Variants in OPCML observed in about 807,000 individuals in gnomAD.
OPCML encodes the protein opioid-binding protein/cell adhesion molecule.
OPCML carries 13 observed loss-of-function variants against 37.8 expected under a neutral mutation model. That is an observed-to-expected ratio of 0.34 (90% CI 0.22 to 0.55). The LOEUF (loss-of-function observed/expected upper bound fraction) is 0.55. Among genes scored for constraint, OPCML ranks in the 20% least tolerant of loss-of-function variants. The pLI, the probability that OPCML is intolerant of heterozygous loss-of-function variation, is 0.91. For synonymous variants in OPCML, 176 were observed against 168.8 expected (o/e 1.04, Z -0.33); for missense variants, 341 against 435.6 (o/e 0.78, Z 1.93).
chr11:132,821,875 C>T (rs1940008369), intron 2 of OPCML, among the ~76,000 whole-genome samples: 1 of 152,128 alleles, frequency 6.6e-6, no homozygotes, highest in Non-Finnish European at 1.5e-5. Context: ...ATTCAATCTC[C>T]CATGGCTTCT....
At chr11:133,066,193 A>G (rs1436855769) in intron 1 of OPCML, 2 of 151,702 alleles carry the variant, frequency 1.3e-5, no homozygotes, top group African/African-American at 4.8e-5. Context: ...CCTCATGTCC[A>G]CTCCTGCCAA....
At position 133,355,436 on chromosome 11, in the gene OPCML, C is replaced by T. The variant is rs150767468; in HGVS notation, c.61+176828G>A. On this transcript the variant is annotated intron_variant, in intron 1 of 7. Coordinates refer to ENST00000524381, the MANE Select transcript of OPCML (RefSeq NM_001012393.5). ...AAGATCCAGGATTGTTAATTTAAGTCATCCATGAACTAAATCTGTGACCAC... is the reference window on the plus strand; with the variant it reads ...AAGATCCAGGATTGTTAATTTAAGTTATCCATGAACTAAATCTGTGACCAC... 4.0e-3 allele frequency among the ~76,000 whole-genome samples: 603 copies of T among 152,298 alleles called. 3 individuals carry two copies. The highest frequency in any genetic ancestry group is 0.037 in the Middle Eastern group (11 of 294).
intron 1 of OPCML, chr11:133,005,695 T>G: frequency 3.1e-6 from 3 of 976,908 alleles, no homozygotes; most frequent in Non-Finnish European, 3.6e-6. Flanking sequence ...TAAATGCATC[T>G]AATCCAGATT....
At chr11:132,529,818 C>T (rs929494272) in intron 3 of OPCML, among the ~76,000 whole-genome samples, 3 of 152,162 alleles carry the variant, frequency 2.0e-5, no homozygotes, top group African/African-American at 7.2e-5. Context: ...AATCCTGGAT[C>T]CAACCAGCAA....
At chr11:132,646,016 A>G (rs1198597493) in intron 3 of OPCML, among the ~76,000 whole-genome samples, 1 of 152,226 alleles carries the variant, frequency 6.6e-6, no homozygotes, top group Non-Finnish European at 1.5e-5. Context: ...GGATTACACA[A>G]GGACAAACTT....
intron 3 of OPCML, among the ~76,000 whole-genome samples, chr11:132,567,469 TTTG>T (rs2096426406): frequency 6.6e-6 from 1 of 152,040 alleles, no homozygotes; most frequent in South Asian, 2.1e-4. Context: ...GGATGGTGAA[TTTG>T]TTATGAAAGT....
At chr11:132,743,478 C>CT (rs1212305752) in intron 2 of OPCML, among the ~76,000 whole-genome samples, 1 of 152,136 alleles carries the variant, frequency 6.6e-6, no homozygotes, top group Admixed American at 6.5e-5. Context: ...AGCAGAAGAT[C>CT]TTTTTGCCTG....
intron 1 of OPCML, among the ~76,000 whole-genome samples, chr11:133,078,743 C>T (rs982209827): frequency 2.0e-5 from 3 of 152,094 alleles, no homozygotes; most frequent in Admixed American, 6.5e-5. Flanking sequence ...GGCACTGGCT[C>T]CGATCAGGCA....
At chr11:133,281,993 C>T (rs184920066) in intron 1 of OPCML, among the ~76,000 whole-genome samples, 6 of 151,408 alleles carry the variant, frequency 4.0e-5, no homozygotes, top group Admixed American at 3.3e-4. Flanking sequence ...TTTTAATGGC[C>T]TAGAATCAGG....
At chr11:133,018,198 T>C (rs927524634) in intron 1 of OPCML, among the ~76,000 whole-genome samples, 43 of 152,170 alleles carry the variant, frequency 2.8e-4, no homozygotes, top group Non-Finnish European at 4.3e-4. Context: ...GAAAAACCCA[T>C]TAAGGAACAG....
intron 2 of OPCML, among the ~76,000 whole-genome samples, chr11:132,785,602 C>G (rs907111465): frequency 7.2e-5 from 11 of 152,186 alleles, no homozygotes; most frequent in Non-Finnish European, 1.2e-4. Flanking sequence ...AAACTATCTA[C>G]AGGATACCAA....
At chr11:133,475,386 C>T (rs903231355) in intron 1 of OPCML, among the ~76,000 whole-genome samples, 9 of 152,114 alleles carry the variant, frequency 5.9e-5, no homozygotes, top group Admixed American at 6.6e-5. Context: ...TTTCACCTTT[C>T]TCCTCCTCCA....
At chr11:133,270,492 T>C (rs925908139) in intron 1 of OPCML, among the ~76,000 whole-genome samples, 1 of 152,198 alleles carries the variant, frequency 6.6e-6, no homozygotes, top group Non-Finnish European at 1.5e-5. Flanking sequence ...GGGATTGTTT[T>C]AGGAAAGAAA....
intron 3 of OPCML, among the ~76,000 whole-genome samples, chr11:132,589,614 G>A (rs1401380081): frequency 6.6e-6 from 1 of 152,214 alleles, no homozygotes; most frequent in East Asian, 1.9e-4. Context: ...TAACATTTAA[G>A]TGCAGGTTTG....
intron 3 of OPCML, among the ~76,000 whole-genome samples, chr11:132,650,822 G>A (rs1470607776): frequency 6.6e-6 from 1 of 152,166 alleles, no homozygotes; most frequent in African/African-American, 2.4e-5. Flanking sequence ...TTTGTGAAGA[G>A]TAAATGTGAT....
chr11:132,570,788 T>C (rs867531316), intron 3 of OPCML, among the ~76,000 whole-genome samples: 2 of 107,914 alleles, frequency 1.9e-5, no homozygotes, highest in African/African-American at 8.4e-5. Flanking sequence ...TATATATATA[T>C]ATATATATAT....
At chr11:132,900,443 C>T (rs1459790977) in intron 2 of OPCML, among the ~76,000 whole-genome samples, 1 of 152,142 alleles carries the variant, frequency 6.6e-6, no homozygotes, top group Non-Finnish European at 1.5e-5. Context: ...GCCTTGCATC[C>T]CAAAGGGTCT....
chr11:133,334,726 C>A (rs932360182), intron 1 of OPCML, among the ~76,000 whole-genome samples: 1 of 152,188 alleles, frequency 6.6e-6, no homozygotes, highest in African/African-American at 2.4e-5. Flanking sequence ...GCAGACCGAG[C>A]CCTGCTCCCA....
chr11:132,998,481 T>TA (rs1471038373), intron 1 of OPCML, among the ~76,000 whole-genome samples: 1 of 152,214 alleles, frequency 6.6e-6, no homozygotes, highest in Non-Finnish European at 1.5e-5. Flanking sequence ...TTATTTTCTT[T>TA]AACTTCTTTA....
Sources: allele counts gnomAD v4.1 joint callset (sites outside exome capture counted in the v4.1 genomes callset), GRCh38; gene constraint gnomAD v4.1.1; transcripts MANE v1.5; gene names NCBI Gene and HGNC (gene_info 2026-07-23, HGNC 2026-07-21).